STAG2: variants seen among roughly 807,000 people sequenced by gnomAD.
The protein encoded by STAG2 is cohesin subunit SA-2.
In STAG2, 14 loss-of-function variants were observed where a neutral mutation model predicts 108.1. That is an observed-to-expected ratio of 0.13 (90% CI 0.09 to 0.20). The LOEUF (loss-of-function observed/expected upper bound fraction) is 0.20, where lower values mean the gene tolerates loss of function less well. Among genes scored for constraint, STAG2 ranks in the 10% least tolerant of loss-of-function variants. The pLI is 1.00. For missense variants in STAG2, 440 were observed against 940.9 expected (o/e 0.47, Z 6.96); for synonymous variants, 307 against 302.7 (o/e 1.01, Z -0.15).
At chrX:124,031,551 G>GT (rs140019478) in intron 5 of STAG2, among the ~76,000 whole-genome samples, 18,073 of 94,373 alleles carry the variant, frequency 0.19, 1,624 homozygotes, top group Non-Finnish European at 0.27. Flanking sequence ...TTGTTTGTTT[G>GT]TTTTTTTTGT....
intron 1 of STAG2, among the ~76,000 whole-genome samples, chrX:123,986,809 A>G (rs1018265513): frequency 1.8e-5 from 2 of 111,061 alleles, no homozygotes; most frequent in African/African-American, 6.6e-5. Flanking sequence ...ATACAGATTG[A>G]TATGAATAAC....
In STAG2 at chrX:124,083,902, C is replaced by T. The variant is rs188999737; in HGVS notation, c.3053+353C>T. Among the ~76,000 whole-genome samples, 726 of 111,687 alleles carry T rather than the reference C, an allele frequency of 6.5e-3. 4 individuals are homozygous for T. Among genetic ancestry groups the T allele is most frequent in the Non-Finnish European group, 8.5e-3 (451 of 53,165 alleles). On this transcript the variant is annotated intron_variant, in intron 29 of 34. Transcript: ENST00000371145. The stretch of plus-strand genomic sequence containing the variant: ...TAATCTGAGTAGCTGGGACTGTAGG[C>T]AGGAACCACTGCCTGGCTGCTTTTT...
chrX:124,037,098 C>T (rs1261799120), intron 5 of STAG2, among the ~76,000 whole-genome samples: 1 of 110,809 alleles, frequency 9.0e-6, no homozygotes, highest in Non-Finnish European at 1.9e-5. Flanking sequence ...GTCAGCCAGG[C>T]TGGTCTCGAA....
chrX:124,097,511 A>C (rs777084836), intron 34 of STAG2, among the ~76,000 whole-genome samples: 2 of 111,929 alleles, frequency 1.8e-5, no homozygotes, highest in Non-Finnish European at 3.8e-5. Context: ...AATTTATTAC[A>C]TCAGAAGTTG....
intron 8 of STAG2, among the ~76,000 whole-genome samples, chrX:124,046,379 A>G (rs924796846): frequency 1.8e-5 from 2 of 112,089 alleles, no homozygotes; most frequent in African/African-American, 6.5e-5. Context: ...CACTTGTGGT[A>G]GCAATGTCAA....
intron 28 of STAG2, among the ~76,000 whole-genome samples, chrX:124,081,809 G>A (rs2058968767): frequency 9.0e-6 from 1 of 111,223 alleles, no homozygotes; most frequent in South Asian, 3.8e-4. Flanking sequence ...AGAACAGCCT[G>A]GCCAACATGG....
chrX:124,061,679 A>G (rs925491906), intron 16 of STAG2, 92 bp from the exon 17 acceptor site: 1 of 676,310 alleles, frequency 1.5e-6, no homozygotes, highest in Non-Finnish European at 2.1e-6. Context: ...TACAGGCAGA[A>G]GAAACTGTTA....
chrX:124,010,920 A>G (rs1415780276), intron 1 of STAG2, among the ~76,000 whole-genome samples: 1 of 110,569 alleles, frequency 9.0e-6, no homozygotes, highest in Non-Finnish European at 1.9e-5. Context: ...AATTTTTTTC[A>G]TTTTTGCAAA....
chrX:124,032,169 A>G (rs144043578), intron 5 of STAG2, among the ~76,000 whole-genome samples: 1,708 of 111,946 alleles, frequency 0.015, 34 homozygotes, highest in African/African-American at 0.053. Context: ...TTCTACCCAT[A>G]TGGAATTCCT....
At chrX:123,996,128 A>G (rs1272173879) in intron 1 of STAG2, among the ~76,000 whole-genome samples, 1 of 112,425 alleles carries the variant, frequency 8.9e-6, no homozygotes, top group East Asian at 2.8e-4. Flanking sequence ...CCGAACATGG[A>G]GGGCAATTTT....
chrX:123,964,354 C>T (rs1376134040), intron 1 of STAG2, among the ~76,000 whole-genome samples: 1 of 111,855 alleles, frequency 8.9e-6, no homozygotes, highest in Non-Finnish European at 1.9e-5. Context: ...TGAATGTGCT[C>T]TACTTTTAGT....
chrX:124,056,731 T>TAAAAAA, intron 14 of STAG2, among the ~76,000 whole-genome samples: 1 of 42,381 alleles, frequency 2.4e-5, no homozygotes, highest in Non-Finnish European at 3.9e-5. Context: ...AGACTCCATC[T>TAAAAAA]AAAAAAAAAA....
Position 123,963,615 on chromosome X carries a change from AT to A in STAG2, c.-163+1770del, listed in dbSNP as rs11393200. 5.1e-3 allele frequency among the ~76,000 whole-genome samples: 524 copies of A among 103,684 alleles called. 2 individuals are homozygous for A. Among genetic ancestry groups the A allele is most frequent in the African/African-American group, 0.016 (448 of 28,513 alleles). The allele number at this position is 103,684 out of a possible 115,157, so 90.0% of individuals were successfully genotyped here. ...TATGACACATTATGTTAAATAGTCG[AT>A]TTTTTTTTTTCATTTTGAACTAAGG... On this transcript the variant is annotated intron_variant, in intron 1 of 34. Transcript: ENST00000371145.
chrX:124,086,898 T>A, intron 30 of STAG2, 128 bp downstream of exon 30: 1 of 577,215 alleles, frequency 1.7e-6, no homozygotes, highest in Non-Finnish European at 2.6e-6. Context: ...TCATTATGTG[T>A]AAACATGCTG....
chrX:124,057,825 G>T (rs1326983551), intron 14 of STAG2, 41 bp from the exon 15 acceptor site: 3 of 907,214 alleles, frequency 3.3e-6, no homozygotes, highest in Non-Finnish European at 4.5e-6. Flanking sequence ...AAAATTTTTT[G>T]TTGTTGTTGT....
At chrX:123,988,747 A>G (rs1457476893) in intron 1 of STAG2, among the ~76,000 whole-genome samples, 1 of 111,535 alleles carries the variant, frequency 9.0e-6, no homozygotes, top group African/African-American at 3.3e-5. Flanking sequence ...ACAGTGCACC[A>G]TTGATTCTTG....
intron 5 of STAG2, among the ~76,000 whole-genome samples, chrX:124,032,468 C>A (rs3788772): frequency 0.23 from 25,704 of 109,408 alleles, 2,203 homozygotes; most frequent in South Asian, 0.4. Flanking sequence ...AAGCTACAGG[C>A]AATAGTTTTT....
chrX:123,967,905 C>T (rs2054181592), intron 1 of STAG2, among the ~76,000 whole-genome samples: 1 of 101,548 alleles, frequency 9.8e-6, no homozygotes, highest in Non-Finnish European at 2.0e-5. Flanking sequence ...GGACCACTGT[C>T]TTTTTTTTTT....
intron 4 of STAG2, among the ~76,000 whole-genome samples, chrX:124,026,128 AAATAAT>A (rs57097416): frequency 0.02 from 1,784 of 88,920 alleles, 38 homozygotes; most frequent in African/African-American, 0.052. Context: ...GTAAAGTTGC[AAATAAT>A]AATAATAATA....
Sources: gnomAD v4.1 joint callset for allele counts (sites outside exome capture counted in the v4.1 genomes callset) on GRCh38, gnomAD v4.1.1 for gene constraint, MANE v1.5 for transcripts, NCBI Gene and HGNC (gene_info 2026-07-23, HGNC 2026-07-21) for gene names.